Variants in ALKBH3 observed in about 807,000 individuals in gnomAD.
The protein encoded by ALKBH3 is alpha-ketoglutarate-dependent dioxygenase alkB homolog 3.
Under a neutral mutation model 43.9 loss-of-function variants are expected in ALKBH3, and 51 were observed. That is an observed-to-expected ratio of 1.16 (90% CI 0.93 to 1.47). ALKBH3 has a LOEUF of 1.47. Ranked by LOEUF, ALKBH3 falls within the 40% of genes most tolerant of loss-of-function variation. ALKBH3 has a pLI of 0.00. For synonymous variants in ALKBH3, 102 were observed against 115.2 expected (o/e 0.89, Z 0.73); for missense variants, 361 against 351.9 (o/e 1.03, Z -0.21).
Position 43,886,671 on chromosome 11 carries a change from A to G in ALKBH3, c.266+18A>G, listed in dbSNP as rs781726016. The G allele has an allele frequency of 6.8e-6, 11 of 1,611,422 alleles. No homozygotes were observed. Among genetic ancestry groups the G allele is most frequent in the Middle Eastern group, 1.7e-4 (1 of 6,054 alleles). Reference sequence around the variant, plus strand: ...GTATCTAGGTAAGCAAATCCTCACAAGAAGTGACCGTAATTATCACTGAGT... The same window carrying G: ...GTATCTAGGTAAGCAAATCCTCACAGGAAGTGACCGTAATTATCACTGAGT... On this transcript the variant is annotated intron_variant, in intron 5 of 9. Coordinates refer to ENST00000302708, the MANE Select transcript of ALKBH3 (RefSeq NM_139178.4).
intron 7 of ALKBH3, among the ~76,000 whole-genome samples, chr11:43,899,841 T>C (rs1951848474): frequency 6.9e-6 from 1 of 144,928 alleles, no homozygotes; most frequent in African/African-American, 2.6e-5. Flanking sequence ...AAGTAGTTTC[T>C]ATACCAATTA....
intron 4 of ALKBH3, among the ~76,000 whole-genome samples, chr11:43,886,365 A>C (rs192739384): frequency 6.6e-6 from 1 of 152,292 alleles, no homozygotes; most frequent in East Asian, 1.9e-4. Context: ...GAGTAGAATC[A>C]GAATTGATTT....
intron 6 of ALKBH3, 130 bp downstream of exon 6, chr11:43,889,958 T>C: frequency 1.3e-6 from 1 of 752,094 alleles, no homozygotes; most frequent in Non-Finnish European, 2.1e-6. Context: ...CCTAAGAAAG[T>C]AGAATTAGCC....
chr11:43,896,056 A>T (rs1390077541), intron 7 of ALKBH3, among the ~76,000 whole-genome samples: 1 of 152,188 alleles, frequency 6.6e-6, no homozygotes, highest in African/African-American at 2.4e-5. Context: ...CTTAAAATAC[A>T]ACGGGCAGAC....
Position 43,883,189 on chromosome 11 carries a change from G to A in ALKBH3, c.183+1G>A. 3 of 1,610,392 alleles carry A rather than the reference G, an allele frequency of 1.9e-6. No individual in the cohort carries two copies. The highest frequency in any genetic ancestry group is 3.4e-5 in the Admixed American group (2 of 59,574). ...GTTTGTGTTCAAAGAACCTCAGCAG[G>A]TAAATTCATGGTTTTTTCTTCAATA... On this transcript the variant is annotated splice_donor_variant, in intron 3 of 9. Coordinates refer to ENST00000302708, the MANE Select transcript of ALKBH3 (RefSeq NM_139178.4). LOFTEE classifies it high-confidence loss of function.
At chr11:43,919,282 T>C in intron 9 of ALKBH3, 146 bp downstream of exon 9, 1 of 699,488 alleles carries the variant, frequency 1.4e-6, no homozygotes, top group Non-Finnish European at 2.4e-6. Context: ...CCAAGGAGTT[T>C]TGCTACTACT....
At chr11:43,890,067 G>T (rs1951772512) in intron 6 of ALKBH3, among the ~76,000 whole-genome samples, 1 of 152,170 alleles carries the variant, frequency 6.6e-6, no homozygotes, top group East Asian at 1.9e-4. Context: ...GAGAGTTCAA[G>T]GAACCAAAGG....
intron 9 of ALKBH3, chr11:43,919,459 CTTAAAT>C: frequency 6.1e-6 from 2 of 327,420 alleles, no homozygotes; most frequent in East Asian, 6.5e-5. Flanking sequence ...TTTTAATTAA[CTTAAAT>C]TTAAATAGCT....
chr11:43,900,558 A>C (rs1051288261), intron 7 of ALKBH3, among the ~76,000 whole-genome samples: 7 of 152,130 alleles, frequency 4.6e-5, no homozygotes, highest in Non-Finnish European at 8.8e-5. Flanking sequence ...CAGTAGTTGA[A>C]AATTTTTTTA....
chr11:43,899,288 G>A (rs1278785276), intron 7 of ALKBH3: 5 of 708,810 alleles, frequency 7.1e-6, no homozygotes, highest in South Asian at 4.2e-5. Flanking sequence ...GGGCTCGCAT[G>A]TGACCACGTG....
intron 7 of ALKBH3, chr11:43,898,673 G>A (rs942150429): frequency 6.5e-5 from 47 of 719,228 alleles, no homozygotes; most frequent in Non-Finnish European, 9.6e-5. Context: ...AAAGTGCTGC[G>A]GTGGATCATC....
rs771059173 is a variant in ALKBH3 at position 43,919,148 on chromosome 11, C to G, written c.768+12C>G. The G allele has an allele frequency of 6.3e-7, 1 of 1,596,376 alleles. No individual in the cohort carries two copies. Among genetic ancestry groups the G allele is most frequent in the South Asian group, 1.1e-5 (1 of 90,648 alleles). On this transcript the variant is annotated intron_variant, in intron 9 of 9. Coordinates refer to ENST00000302708, the MANE Select transcript of ALKBH3 (RefSeq NM_139178.4). ...AAGCTGACTGGCAGGTGAGGATCTG[C>G]AAGTAATATGAATCTGCTTTCATGT...
intron 8 of ALKBH3, chr11:43,910,342 A>G (rs917006362): frequency 2.6e-5 from 4 of 152,204 alleles, no homozygotes; most frequent in African/African-American, 9.7e-5. Context: ...TTGATTGAAT[A>G]AGCAAATAAA....
At position 43,913,194 on chromosome 11, in the gene ALKBH3, T is replaced by G. The variant is rs77854683; in HGVS notation, c.670-5844T>G. Among the ~76,000 whole-genome samples, 753 of 152,162 alleles carry G rather than the reference T, an allele frequency of 4.9e-3. 5 individuals are homozygous for G. Among genetic ancestry groups the G allele is most frequent in the African/African-American group, 0.017 (704 of 41,500 alleles). On this transcript the variant is annotated intron_variant, in intron 8 of 9. Coordinates refer to ENST00000302708, the MANE Select transcript of ALKBH3 (RefSeq NM_139178.4). ...GTGTACAGACAGCTTCATTCAGGTC[T>G]AATTTTTTTTTAATTTTTGTTTTAG...
intron 5 of ALKBH3, 67 bp downstream of exon 5, chr11:43,886,720 T>C (rs1327278187): frequency 6.7e-7 from 1 of 1,494,550 alleles, no homozygotes; most frequent in Admixed American, 1.7e-5. Context: ...AATAGTTTAC[T>C]CCCCTAGAGA....
chr11:43,914,963 T>C (rs1358485730), intron 8 of ALKBH3, among the ~76,000 whole-genome samples: 1 of 151,972 alleles, frequency 6.6e-6, no homozygotes, highest in Non-Finnish European at 1.5e-5. Flanking sequence ...CCCAGCACTT[T>C]GGGAGGCCAA....
intron 1 of ALKBH3, among the ~76,000 whole-genome samples, chr11:43,881,720 G>A (rs1259015901): frequency 6.6e-6 from 1 of 152,164 alleles, no homozygotes; most frequent in African/African-American, 2.4e-5. Flanking sequence ...ATGGGACCTG[G>A]GAATCTATAG....
intron 8 of ALKBH3, among the ~76,000 whole-genome samples, chr11:43,903,925 C>T (rs1951879576): frequency 6.6e-6 from 1 of 152,184 alleles, no homozygotes; most frequent in Non-Finnish European, 1.5e-5. Flanking sequence ...TTCATTTTCT[C>T]ATATAAAGAT....
chr11:43,919,003 G>T, intron 8 of ALKBH3, 35 bp from the exon 9 acceptor site: 1 of 1,541,956 alleles, frequency 6.5e-7, no homozygotes, highest in Non-Finnish European at 9.0e-7. Flanking sequence ...GATTACACAG[G>T]CAAAACATTT....
Sources: allele counts gnomAD v4.1 joint callset (sites outside exome capture counted in the v4.1 genomes callset), GRCh38; gene constraint gnomAD v4.1.1; transcripts MANE v1.5; gene names NCBI Gene and HGNC (gene_info 2026-07-23, HGNC 2026-07-21).